The following CIMIP7 variants were observed in gnomAD, a reference collection of about 807,000 sequenced individuals.
CIMIP7 encodes the protein ciliary microtubule inner protein 7.
the CIMIP7 span, chr3:49,189,940 G>C: frequency 1.0e-6 from 1 of 967,072 alleles, no homozygotes; most frequent in Non-Finnish European, 1.7e-6. Flanking sequence ...GTACAGCCAT[G>C]GAAGGGCTGG....
the CIMIP7 span, among the ~76,000 whole-genome samples, chr3:49,185,238 G>A: frequency 6.6e-6 from 1 of 150,658 alleles, no homozygotes; most frequent in African/African-American, 2.4e-5. Flanking sequence ...TCCAGCCTAG[G>A]TGACAGAGCA....
chr3:49,188,332 T>C, the CIMIP7 span, among the ~76,000 whole-genome samples: 1 of 152,154 alleles, frequency 6.6e-6, no homozygotes, highest in East Asian at 1.9e-4. Context: ...AGCAAGAAGG[T>C]GCAGTGGGTG....
At chr3:49,187,895 C>G in the CIMIP7 span, among the ~76,000 whole-genome samples, 1 of 152,218 alleles carries the variant, frequency 6.6e-6, no homozygotes, top group East Asian at 1.9e-4. Context: ...CTACTTGGGG[C>G]TGCTGATAAT....
chr3:49,179,904 G>A, the CIMIP7 span, among the ~76,000 whole-genome samples: 18 of 152,318 alleles, frequency 1.2e-4, no homozygotes, highest in Non-Finnish European at 1.9e-4. Flanking sequence ...TTGGGAGGCC[G>A]AGGCGGGTGG....
chr3:49,190,000 C>T, the CIMIP7 span: 11 of 1,578,128 alleles, frequency 7.0e-6, no homozygotes, highest in African/African-American at 4.0e-5. Context: ...TAGTCACCCC[C>T]GCTGCCTTCA....
the CIMIP7 span, among the ~76,000 whole-genome samples, chr3:49,184,333 A>AT: frequency 2.0e-3 from 310 of 152,008 alleles, 1 homozygote; most frequent in African/African-American, 7.2e-3. Context: ...AATTTAATTT[A>AT]TTTTTTTGAG....
chr3:49,190,818 G>A, the CIMIP7 span, among the ~76,000 whole-genome samples: 59 of 151,924 alleles, frequency 3.9e-4, no homozygotes, highest in East Asian at 7.4e-3. Context: ...ACAGGCGCCC[G>A]CCACCACACC....
At chr3:49,182,726 T>C in the CIMIP7 span, among the ~76,000 whole-genome samples, 1 of 152,098 alleles carries the variant, frequency 6.6e-6, no homozygotes, top group Non-Finnish European at 1.5e-5. Flanking sequence ...GCGGCGCTTG[T>C]TGGGGAGGCT....
At chr3:49,183,579 C>T in the CIMIP7 span, among the ~76,000 whole-genome samples, 9 of 152,148 alleles carry the variant, frequency 5.9e-5, no homozygotes, top group South Asian at 2.1e-4. Flanking sequence ...TGCTTGAGCC[C>T]GGGAGGCGGA....
At chr3:49,177,976 C>T in the CIMIP7 span, 26 of 1,613,198 alleles carry the variant, frequency 1.6e-5, no homozygotes, top group South Asian at 2.2e-5. Context: ...GGGTGCCCAG[C>T]GCAGGAAGGT....
At chr3:49,191,499 C>G in the CIMIP7 span, among the ~76,000 whole-genome samples, 3 of 152,128 alleles carry the variant, frequency 2.0e-5, no homozygotes, top group African/African-American at 7.2e-5. Flanking sequence ...AATGGGGTGG[C>G]TAGAGGACTA....
At chr3:49,189,810 T>C in the CIMIP7 span, 17 of 708,348 alleles carry the variant, frequency 2.4e-5, no homozygotes, top group Admixed American at 2.5e-4. Context: ...TTTGTCCATC[T>C]AGAAGGGGCA....
At chr3:49,191,421 A>C in the CIMIP7 span, among the ~76,000 whole-genome samples, 1 of 152,196 alleles carries the variant, frequency 6.6e-6, no homozygotes, top group Non-Finnish European at 1.5e-5. Flanking sequence ...TTGCCCTCAA[A>C]ATGTTCCCAG....
the CIMIP7 span, chr3:49,191,646 G>A: frequency 7.3e-7 from 1 of 1,363,040 alleles, no homozygotes; most frequent in Non-Finnish European, 1.0e-6. Context: ...CAGGTTGGAT[G>A]CCAAATGAAA....
chr3:49,185,110 A>G, the CIMIP7 span, among the ~76,000 whole-genome samples: 3 of 151,620 alleles, frequency 2.0e-5, no homozygotes, highest in Admixed American at 2.0e-4. Context: ...AAAAATACAA[A>G]ATTAGCCGGG....
At chr3:49,185,977 G>A in the CIMIP7 span, among the ~76,000 whole-genome samples, 3 of 150,004 alleles carry the variant, frequency 2.0e-5, no homozygotes, top group African/African-American at 4.9e-5. Flanking sequence ...GAGTCACCGC[G>A]CCCGGCTATA....
chr3:49,181,868 T>C, the CIMIP7 span, among the ~76,000 whole-genome samples: 9 of 152,212 alleles, frequency 5.9e-5, no homozygotes, highest in African/African-American at 2.2e-4. Context: ...GCGGTGAGTG[T>C]TAACAGTTCT....
chr3:49,188,827 T>G, the CIMIP7 span, among the ~76,000 whole-genome samples: 1 of 152,162 alleles, frequency 6.6e-6, no homozygotes, highest in Non-Finnish European at 1.5e-5. Context: ...AGACCGAGTC[T>G]CACTCTGTCA....
the CIMIP7 span, among the ~76,000 whole-genome samples, chr3:49,185,501 G>A: frequency 6.6e-6 from 1 of 151,952 alleles, no homozygotes; most frequent in African/African-American, 2.4e-5. Flanking sequence ...GGGAGGCAGA[G>A]GTTTCAGTGA....
Sources: allele counts gnomAD v4.1 joint callset (sites outside exome capture counted in the v4.1 genomes callset), GRCh38; gene constraint gnomAD v4.1.1; transcripts MANE v1.5; gene names NCBI Gene and HGNC (gene_info 2026-07-23, HGNC 2026-07-21).